Variants in LONP2 observed in about 807,000 individuals in gnomAD.
LONP2 encodes the protein lon protease homolog 2, peroxisomal.
A neutral mutation model predicts 85.6 loss-of-function variants in LONP2; 60 were observed. The ratio of observed to expected loss-of-function variants is 0.70; its 90% CI spans 0.57 to 0.87. LONP2 has a LOEUF of 0.87. LONP2 is among the 40% of genes least tolerant of loss of function. LONP2 has a pLI of 0.00. For missense variants in LONP2, 860 were observed against 1,063.5 expected, an observed-to-expected ratio of 0.81 and a Z score of 2.66; for synonymous variants, 395 against 389.7, an observed-to-expected ratio of 1.01 and a Z score of -0.16.
At chr16:48,348,073 A>G in intron 13 of LONP2, 27 bp from the exon 14 acceptor site, 1 of 1,568,926 alleles carries the variant, frequency 6.4e-7, no homozygotes, top group Non-Finnish European at 8.6e-7. Context: ...ATTTTTCTAC[A>G]TTAAAGTCCC....
intron 11 of LONP2, among the ~76,000 whole-genome samples, chr16:48,317,996 G>A (rs1973181024): frequency 6.6e-6 from 1 of 151,984 alleles, no homozygotes; most frequent in African/African-American, 2.4e-5. Flanking sequence ...AAGGAAGTAG[G>A]TATTACATCC....
Position 48,283,630 on chromosome 16 carries a change from C to A in LONP2, c.1383+6151C>A, listed in dbSNP as rs373540852. 1.1e-4 allele frequency among the ~76,000 whole-genome samples: 17 copies of A among 151,792 alleles called. No individual in the cohort carries two copies. In the East Asian group the frequency reaches 3.3e-3, roughly 29 times the overall value. ...AAGCCCACTGTTGAAACTTACCGTTCAAAAAAAATAGATTCTTTTGAAAAT... is the reference window on the plus strand; with the variant it reads ...AAGCCCACTGTTGAAACTTACCGTTAAAAAAAAATAGATTCTTTTGAAAAT... On this transcript the variant is annotated intron_variant, in intron 8 of 14. Transcript: ENST00000285737.
downstream of LONP2, among the ~76,000 whole-genome samples, chr16:48,360,166 G>C (rs1567364223): frequency 2.0e-5 from 3 of 152,240 alleles, no homozygotes; most frequent in East Asian, 1.9e-4. Flanking sequence ...CTGGTTAGTG[G>C]GGTAGAGCCG....
intron 8 of LONP2, among the ~76,000 whole-genome samples, chr16:48,286,694 G>C (rs1426950049): frequency 6.6e-6 from 1 of 151,092 alleles, no homozygotes; most frequent in Non-Finnish European, 1.5e-5. Context: ...ACAGGGTTTC[G>C]CCATGTTGCC....
intron 8 of LONP2, among the ~76,000 whole-genome samples, chr16:48,287,129 A>G (rs1426495138): frequency 6.6e-6 from 1 of 152,208 alleles, no homozygotes; most frequent in Non-Finnish European, 1.5e-5. Flanking sequence ...CTCCTTGCCC[A>G]AGGGGCTCTT....
chr16:48,340,158 G>T (rs571275510), intron 12 of LONP2, among the ~76,000 whole-genome samples: 2 of 152,266 alleles, frequency 1.3e-5, no homozygotes, highest in African/African-American at 4.8e-5. Flanking sequence ...CATAAGCAGG[G>T]GCTCAGAAGG....
chr16:48,253,143 T>G (rs775329759), intron 2 of LONP2, among the ~76,000 whole-genome samples: 4 of 152,158 alleles, frequency 2.6e-5, no homozygotes, highest in Non-Finnish European at 4.4e-5. Context: ...TGAAGAGCCA[T>G]ACTTACAGTG....
Position 48,357,283 on chromosome 16 carries a change from G to C in LONP2, c.*5481G>C, listed in dbSNP as rs1314809276. 6.6e-6 allele frequency: 1 copy of C among 152,210 alleles called. No homozygotes were observed. The highest frequency in any genetic ancestry group is 1.9e-4 in the East Asian group (1 of 5,190). The allele number at this position is 152,210 out of a possible 1,614,324, so 9.4% of individuals were successfully genotyped here. ...CCACACTGTTTGCCACCAAATCTTAGTAGATGCTTGATAAGGAATTTTGTT... is the reference window on the plus strand; with the variant it reads ...CCACACTGTTTGCCACCAAATCTTACTAGATGCTTGATAAGGAATTTTGTT... On this transcript the variant is annotated 3_prime_UTR_variant, in exon 15 of 15. Transcript: ENST00000285737.
intron 11 of LONP2, among the ~76,000 whole-genome samples, chr16:48,333,688 G>C (rs910870349): frequency 2.0e-5 from 3 of 150,926 alleles, no homozygotes; most frequent in Non-Finnish European, 4.4e-5. Flanking sequence ...GAGAAAGAGA[G>C]AGAGAGAGAG....
intron 8 of LONP2, among the ~76,000 whole-genome samples, chr16:48,290,455 GACTGCC>G (rs1972537026): frequency 6.6e-6 from 1 of 152,082 alleles, no homozygotes; most frequent in African/African-American, 2.4e-5. Context: ...AGTCCCACAA[GACTGCC>G]TCCCCCTTCA....
chr16:48,359,070 C>T (rs1005771499), downstream of LONP2, among the ~76,000 whole-genome samples: 1 of 152,172 alleles, frequency 6.6e-6, no homozygotes, highest in Non-Finnish European at 1.5e-5. Context: ...TCACTGCAAC[C>T]TCCGCTTCCT....
chr16:48,267,653 T>TTA (rs2150974499), intron 6 of LONP2, among the ~76,000 whole-genome samples: 1 of 152,210 alleles, frequency 6.6e-6, no homozygotes, highest in African/African-American at 2.4e-5. Flanking sequence ...TCTTGCCCTG[T>TTA]CGGCCAGGCT....
chr16:48,307,647 G>C (rs935515329), intron 11 of LONP2, among the ~76,000 whole-genome samples: 1 of 151,242 alleles, frequency 6.6e-6, no homozygotes, highest in Non-Finnish European at 1.5e-5. Context: ...AAAGAACCTG[G>C]GTAGATACTA....
At chr16:48,311,588 T>G (rs1212718404) in intron 11 of LONP2, among the ~76,000 whole-genome samples, 1 of 152,068 alleles carries the variant, frequency 6.6e-6, no homozygotes, top group African/African-American at 2.4e-5. Context: ...CTTCTTTGTA[T>G]TAGTTTTCAG....
chr16:48,308,317 C>G (rs926994166), intron 11 of LONP2, among the ~76,000 whole-genome samples: 11 of 152,070 alleles, frequency 7.2e-5, no homozygotes, highest in South Asian at 2.1e-4. Context: ...ACCACTCTCT[C>G]TCTTATTTTA....
intron 8 of LONP2, among the ~76,000 whole-genome samples, chr16:48,288,701 A>ATATTT (rs1972500627): frequency 6.6e-6 from 1 of 151,950 alleles, no homozygotes; most frequent in African/African-American, 2.4e-5. Flanking sequence ...TTATAAGGGT[A>ATATTT]CCAATTGTAT....
chr16:48,252,152 C>G lies in LONP2; in HGVS notation c.255C>G (p.Ala85=), dbSNP rs754763730. Residue 85 remains alanine (A), a synonymous_variant, in exon 2 of 15, where the codon GCC becomes GCG. Coordinates refer to ENST00000285737, the MANE Select transcript of LONP2 (RefSeq NM_031490.5). ...PLHRIGTAAL[A]VQVVGSNWPK... is the part of the protein sequence containing the mutation. ...TCAGGATTGGCACAGCTGCACTGGC[C>G]GTTCAGGTTGTGGGCAGTAACTGGC... 6.3e-7 allele frequency: 1 copy of G among 1,596,908 alleles called. No individual in the cohort carries two copies. Among genetic ancestry groups the G allele is most frequent in the South Asian group, 1.1e-5 (1 of 89,038 alleles).
chr16:48,337,486 C>G (rs1165068965), intron 12 of LONP2, among the ~76,000 whole-genome samples: 1 of 152,156 alleles, frequency 6.6e-6, no homozygotes, highest in Non-Finnish European at 1.5e-5. Flanking sequence ...GTTGAGGAAA[C>G]AGGCTTAGAG....
chr16:48,332,014 A>C (rs1486352775), intron 11 of LONP2, among the ~76,000 whole-genome samples: 1 of 152,166 alleles, frequency 6.6e-6, no homozygotes, highest in Non-Finnish European at 1.5e-5. Flanking sequence ...TCATGGTTTC[A>C]GTCCTGAAGA....
Sources: allele counts gnomAD v4.1 joint callset (sites outside exome capture counted in the v4.1 genomes callset), GRCh38; gene constraint gnomAD v4.1.1; transcripts MANE v1.5; gene names NCBI Gene and HGNC (gene_info 2026-07-23, HGNC 2026-07-21).